Variants in LDLRAD4 observed in about 807,000 individuals in gnomAD.
LDLRAD4 encodes low-density lipoprotein receptor class A domain-containing protein 4.
LDLRAD4 carries 5 observed loss-of-function variants against 17.0 expected under a neutral mutation model. That is an observed-to-expected ratio of 0.29 (90% CI 0.15 to 0.62). The LOEUF (loss-of-function observed/expected upper bound fraction) is 0.62. Ranked by LOEUF, LDLRAD4 falls within the 20% of genes least tolerant of loss-of-function variation. The pLI is 0.84. For missense variants in LDLRAD4, 340 were observed against 424.7 expected (o/e 0.80, Z 1.75); for synonymous variants, 168 against 171.8 (o/e 0.98, Z 0.17).
intron 1 of LDLRAD4, among the ~76,000 whole-genome samples, chr18:13,305,584 C>T (rs2046865555): frequency 6.6e-6 from 1 of 152,136 alleles, no homozygotes; most frequent in African/African-American, 2.4e-5. Flanking sequence ...ATAGGAAGTA[C>T]CCCTAGTGAT....
chr18:13,355,146 G>A (rs925677756), intron 1 of LDLRAD4, among the ~76,000 whole-genome samples: 56 of 152,354 alleles, frequency 3.7e-4, no homozygotes, highest in African/African-American at 1.1e-3. Context: ...CTCAGATGAG[G>A]CGCGTGCTCC....
At chr18:13,518,687 G>T (rs1330693899) in intron 3 of LDLRAD4, among the ~76,000 whole-genome samples, 1 of 152,104 alleles carries the variant, frequency 6.6e-6, no homozygotes, top group Non-Finnish European at 1.5e-5. Context: ...TTCTCCAGGG[G>T]GTCCATGAAT....
intron 1 of LDLRAD4, among the ~76,000 whole-genome samples, chr18:13,289,856 G>A (rs1333490504): frequency 6.6e-6 from 1 of 152,226 alleles, no homozygotes; most frequent in Non-Finnish European, 1.5e-5. Flanking sequence ...CCTCCTACAT[G>A]AAGAATAATC....
intron 3 of LDLRAD4, among the ~76,000 whole-genome samples, chr18:13,545,648 G>A (rs1242603018): frequency 6.6e-6 from 1 of 152,186 alleles, no homozygotes; most frequent in Admixed American, 6.5e-5. Flanking sequence ...CGGTTTCTTA[G>A]CTGCAAACAA....
chr18:13,462,817 A>G (rs2092476515), intron 3 of LDLRAD4, among the ~76,000 whole-genome samples: 2 of 152,162 alleles, frequency 1.3e-5, no homozygotes, highest in Admixed American at 1.3e-4. Context: ...GAGCTTTTCT[A>G]CAACAATGTA....
At chr18:13,542,783 C>G (rs1235304728) in intron 3 of LDLRAD4, 3 of 152,238 alleles carry the variant, frequency 2.0e-5, no homozygotes, top group African/African-American at 7.2e-5. Context: ...TAGTTTGCTC[C>G]CCTTCCATGG....
At chr18:13,633,066 T>C (rs1294645222) in intron 4 of LDLRAD4, among the ~76,000 whole-genome samples, 1 of 152,158 alleles carries the variant, frequency 6.6e-6, no homozygotes, top group Admixed American at 6.5e-5. Flanking sequence ...GTCATCCCAA[T>C]GTCTGTCTGT....
At chr18:13,272,361 T>G (rs1255709241) in intron 1 of LDLRAD4, among the ~76,000 whole-genome samples, 1 of 152,252 alleles carries the variant, frequency 6.6e-6, no homozygotes, top group African/African-American at 2.4e-5. Flanking sequence ...GTTGGTGCTC[T>G]GTGCTCCAGA....
chr18:13,637,635 G>T lies in LDLRAD4; in HGVS notation c.337-5724G>T, dbSNP rs1601853930. 3.9e-5 allele frequency among the ~76,000 whole-genome samples: 6 copies of T among 152,258 alleles called. 1 individual carries two copies. The highest frequency in any genetic ancestry group is 3.9e-4 in the Admixed American group (6 of 15,302). The stretch of plus-strand genomic sequence containing the variant: ...AATCCTAGCACTTTGGGAGGCCGAG[G>T]CGGGTGGATCACTTGAGGTCAGGAG... On this transcript the variant is annotated intron_variant, in intron 4 of 5. Coordinates refer to ENST00000359446, the Ensembl canonical transcript of LDLRAD4.
chr18:13,253,358 G>A (rs150898476), intron 1 of LDLRAD4, among the ~76,000 whole-genome samples: 1 of 152,296 alleles, frequency 6.6e-6, no homozygotes, highest in East Asian at 1.9e-4. Context: ...TTGACTGAAG[G>A]GTGTTGCTCA....
At chr18:13,642,059 G>T in intron 4 of LDLRAD4, 3 of 985,572 alleles carry the variant, frequency 3.0e-6, no homozygotes, top group Non-Finnish European at 3.6e-6. Flanking sequence ...TGCCTGCCAG[G>T]CCGGGCCCTT....
intron 1 of LDLRAD4, among the ~76,000 whole-genome samples, chr18:13,226,179 G>GTTTTTTT (rs1243883704): frequency 8.7e-5 from 1 of 11,478 alleles, no homozygotes; most frequent in South Asian, 4.2e-3. Flanking sequence ...GCCATGCCTT[G>GTTTTTTT]CTTTTTTTTT....
intron 3 of LDLRAD4, among the ~76,000 whole-genome samples, chr18:13,558,094 C>G (rs535674684): frequency 1.7e-4 from 26 of 152,336 alleles, no homozygotes; most frequent in African/African-American, 6.3e-4. Flanking sequence ...TTGTCAGTTT[C>G]TAAGCAACCA....
At chr18:13,341,305 G>A (rs906084828) in intron 1 of LDLRAD4, among the ~76,000 whole-genome samples, 14 of 151,910 alleles carry the variant, frequency 9.2e-5, no homozygotes, top group Admixed American at 2.0e-4. Flanking sequence ...CATTGAATCT[G>A]TAGATCACTT....
intron 3 of LDLRAD4, among the ~76,000 whole-genome samples, chr18:13,482,848 G>A (rs534750495): frequency 6.6e-6 from 1 of 152,334 alleles, no homozygotes; most frequent in African/African-American, 2.4e-5. Flanking sequence ...AAGAATAGGT[G>A]AAGTCTGTCC....
At chr18:13,598,091 C>T (rs2095117055) in intron 3 of LDLRAD4, among the ~76,000 whole-genome samples, 1 of 152,210 alleles carries the variant, frequency 6.6e-6, no homozygotes, top group Non-Finnish European at 1.5e-5. Context: ...TTGCTTGTCT[C>T]ATTTTTTGTT....
At chr18:13,519,310 CAT>C (rs759139910) in intron 3 of LDLRAD4, among the ~76,000 whole-genome samples, 7 of 152,290 alleles carry the variant, frequency 4.6e-5, no homozygotes, top group Middle Eastern at 3.4e-3. Flanking sequence ...GTTCCAGAAA[CAT>C]GTGGCATCAA....
chr18:13,287,470 T>G lies in LDLRAD4; in HGVS notation c.-383+9282T>G, dbSNP rs376326534. Among the ~76,000 whole-genome samples the G allele has an allele frequency of 1.3e-3, 198 of 152,288 alleles. 1 individual carries two copies. The highest frequency in any genetic ancestry group is 4.3e-3 in the African/African-American group (178 of 41,550). On this transcript the variant is annotated intron_variant, in intron 1 of 5. Coordinates refer to ENST00000359446, the Ensembl canonical transcript of LDLRAD4. ...GAGTTTGCCTTCTGTATCTCTTGAGTTGTATCTGATAAAGAGAAACTACCC... is the reference window on the plus strand; with the variant it reads ...GAGTTTGCCTTCTGTATCTCTTGAGGTGTATCTGATAAAGAGAAACTACCC...
At chr18:13,496,713 A>T (rs372697720) in intron 3 of LDLRAD4, among the ~76,000 whole-genome samples, 1 of 151,892 alleles carries the variant, frequency 6.6e-6, no homozygotes, top group South Asian at 2.1e-4. Flanking sequence ...CTCGAGGTTA[A>T]TAAAGGGATT....
Sources: gnomAD v4.1 joint callset for allele counts (sites outside exome capture counted in the v4.1 genomes callset) on GRCh38, gnomAD v4.1.1 for gene constraint, MANE v1.5 for transcripts, NCBI Gene and HGNC (gene_info 2026-07-23, HGNC 2026-07-21) for gene names.